Variants in PRRX1 observed in about 807,000 individuals in gnomAD.
The protein encoded by PRRX1 is paired related homeobox 1, also known as paired mesoderm homeobox protein 1.
In PRRX1, 8 loss-of-function variants were observed where a neutral mutation model predicts 24.0. That is an observed-to-expected ratio of 0.33 (90% CI 0.20 to 0.60). PRRX1 has a LOEUF of 0.60. PRRX1 is among the 20% of genes least tolerant of loss of function. PRRX1 has a pLI of 0.82. For missense variants in PRRX1, 281 were observed against 322.4 expected (o/e 0.87, Z 0.98); for synonymous variants, 160 against 131.7 (o/e 1.22, Z -1.47).
chr1:170,724,910 G>A (rs1258263664), intron 2 of PRRX1, among the ~76,000 whole-genome samples: 18 of 152,196 alleles, frequency 1.2e-4, no homozygotes, highest in Admixed American at 1.2e-3. Flanking sequence ...TCCTATCCAT[G>A]AGCATAGAAT....
chr1:170,710,221 C>T (rs929731755), intron 1 of PRRX1, among the ~76,000 whole-genome samples: 3 of 152,070 alleles, frequency 2.0e-5, no homozygotes, highest in Admixed American at 1.3e-4. Flanking sequence ...ACCATCACCA[C>T]CAAAAGAATA....
At chr1:170,677,052 G>T (rs1274196301) in intron 1 of PRRX1, among the ~76,000 whole-genome samples, 1 of 152,110 alleles carries the variant, frequency 6.6e-6, no homozygotes, top group Non-Finnish European at 1.5e-5. Flanking sequence ...AAATTAAGTT[G>T]TCAAGTAACA....
chr1:170,687,973 G>A (rs1653803221), intron 1 of PRRX1, among the ~76,000 whole-genome samples: 1 of 152,042 alleles, frequency 6.6e-6, no homozygotes, highest in Non-Finnish European at 1.5e-5. Flanking sequence ...GAAAGAGAAG[G>A]ACCGGGAAAG....
At chr1:170,730,191 C>A in intron 3 of PRRX1, 1 of 1,115,508 alleles carries the variant, frequency 9.0e-7, no homozygotes. Context: ...TCCTTCTCCT[C>A]CCCTCATTTG....
chr1:170,680,884 A>C (rs922296590), intron 1 of PRRX1, among the ~76,000 whole-genome samples: 1 of 152,246 alleles, frequency 6.6e-6, no homozygotes, highest in Non-Finnish European at 1.5e-5. Context: ...TGTAGGAGTG[A>C]CTTCTATAAT....
chr1:170,694,273 T>G (rs1200098396), intron 1 of PRRX1, among the ~76,000 whole-genome samples: 1 of 152,016 alleles, frequency 6.6e-6, no homozygotes, highest in Non-Finnish European at 1.5e-5. Context: ...GAATTCAGAG[T>G]TGAAAGAGAG....
chr1:170,707,490 A>G (rs537927810), intron 1 of PRRX1, among the ~76,000 whole-genome samples: 1 of 152,256 alleles, frequency 6.6e-6, no homozygotes, highest in Non-Finnish European at 1.5e-5. Flanking sequence ...TCTTTAATTG[A>G]TTTAATGCAA....
At chr1:170,693,089 C>T (rs1376607424) in intron 1 of PRRX1, among the ~76,000 whole-genome samples, 1 of 151,980 alleles carries the variant, frequency 6.6e-6, no homozygotes, top group African/African-American at 2.4e-5. Context: ...GTGACCCAAG[C>T]AATTCTGGGA....
Position 170,736,538 on chromosome 1 carries a change from A to C in PRRX1, c.*352A>C. 1 of 287,148 alleles carries C rather than the reference A, an allele frequency of 3.5e-6. No individual in the cohort carries two copies. 17.8% of individuals were successfully genotyped at this position (287,148 alleles called of 1,614,324 possible). ...GTTTTAAAAAAAACTACAGCAGCCA[A>C]AGAAACTATATATATATATATATAT... On this transcript the variant is annotated 3_prime_UTR_variant, in exon 4 of 4. Transcript: ENST00000239461.
intron 3 of PRRX1, among the ~76,000 whole-genome samples, chr1:170,731,907 G>A (rs2101926373): frequency 6.6e-6 from 1 of 152,310 alleles, no homozygotes; most frequent in South Asian, 2.1e-4. Flanking sequence ...ATTCAGTAAT[G>A]TGGTTTCTTG....
intron 3 of PRRX1, among the ~76,000 whole-genome samples, chr1:170,731,711 G>A (rs1271050232): frequency 6.6e-6 from 1 of 152,088 alleles, no homozygotes; most frequent in African/African-American, 2.4e-5. Context: ...CTCCACCTCT[G>A]CTAGTGGTTA....
At chr1:170,688,391 G>C (rs1653817199) in intron 1 of PRRX1, among the ~76,000 whole-genome samples, 1 of 151,540 alleles carries the variant, frequency 6.6e-6, no homozygotes, top group Non-Finnish European at 1.5e-5. Flanking sequence ...CAATCCATTT[G>C]AAAAAGTAAT....
chr1:170,717,909 A>G (rs904224095), intron 1 of PRRX1, among the ~76,000 whole-genome samples: 11 of 152,226 alleles, frequency 7.2e-5, no homozygotes, highest in Non-Finnish European at 1.5e-4. Flanking sequence ...AGGCATTGGT[A>G]GATCTCAAAA....
intron 1 of PRRX1, among the ~76,000 whole-genome samples, chr1:170,703,549 GTC>G (rs1227211675): frequency 6.6e-6 from 1 of 151,880 alleles, no homozygotes; most frequent in African/African-American, 2.4e-5. Flanking sequence ...ACAAAATATT[GTC>G]TCTGTCTTCA....
At chr1:170,670,418 G>A (rs1406472608) in intron 1 of PRRX1, among the ~76,000 whole-genome samples, 1 of 152,122 alleles carries the variant, frequency 6.6e-6, no homozygotes, top group African/African-American at 2.4e-5. Flanking sequence ...TTCTCCAAAT[G>A]CTGTTTATTC....
At chr1:170,725,861 A>C (rs1223772207) in intron 2 of PRRX1, among the ~76,000 whole-genome samples, 1 of 152,314 alleles carries the variant, frequency 6.6e-6, no homozygotes, top group Non-Finnish European at 1.5e-5. Flanking sequence ...AAAAGTCATT[A>C]TTTCTGTGGC....
chr1:170,734,138 A>G (rs1292164502), intron 3 of PRRX1, among the ~76,000 whole-genome samples: 1 of 151,982 alleles, frequency 6.6e-6, no homozygotes, highest in African/African-American at 2.4e-5. Flanking sequence ...TGCTTTTGTC[A>G]TGTCCTACTG....
Position 170,738,498 on chromosome 1 carries a change from G to GT in PRRX1, c.*2314dup, listed in dbSNP as rs1655696300. On this transcript the variant is annotated 3_prime_UTR_variant, in exon 4 of 4. Coordinates refer to ENST00000239461, the MANE Select transcript of PRRX1 (RefSeq NM_022716.4). ...GCACGCATTACTTGCTTCCTGAAGAGTTCCCCCATTCATCCATTTGTCCCA... is the reference window on the plus strand; with the variant it reads ...GCACGCATTACTTGCTTCCTGAAGAGTTTCCCCCATTCATCCATTTGTCCCA... 4.4e-6 allele frequency: 1 copy of GT among 228,974 alleles called. No homozygotes were observed. 14.2% of individuals were successfully genotyped at this position (228,974 alleles called of 1,614,324 possible). A position where few individuals can be genotyped will look rare whatever the true frequency, so the allele number is the denominator to read the frequency against.
At chr1:170,685,617 C>T (rs1256895777) in intron 1 of PRRX1, among the ~76,000 whole-genome samples, 1 of 151,948 alleles carries the variant, frequency 6.6e-6, no homozygotes, top group African/African-American at 2.4e-5. Context: ...GTATTACCTA[C>T]CTGTAAAATG....
Sources: allele counts gnomAD v4.1 joint callset (sites outside exome capture counted in the v4.1 genomes callset), GRCh38; gene constraint gnomAD v4.1.1; transcripts MANE v1.5; gene names NCBI Gene and HGNC (gene_info 2026-07-23, HGNC 2026-07-21).